Variants in NECTIN3 observed in about 807,000 individuals in gnomAD.
The protein encoded by NECTIN3 is nectin cell adhesion molecule 3.
In NECTIN3, 8 loss-of-function variants were observed where a neutral mutation model predicts 49.4. The observed-to-expected ratio is 0.16, with a 90% CI of 0.10 to 0.29. The LOEUF is 0.29. Among genes scored for constraint, NECTIN3 ranks in the 10% least tolerant of loss-of-function variants. The probability of loss-of-function intolerance (pLI) is 1.00; values close to 1 mark genes in which losing one functional copy is unlikely to be tolerated. For missense variants in NECTIN3, 581 were observed against 654.6 expected (o/e 0.89, Z 1.23); for synonymous variants, 277 against 241.1 (o/e 1.15, Z -1.38).
chr3:111,193,305 C>A (rs145238359), intron 1 of NECTIN3: 1 of 1,535,730 alleles, frequency 6.5e-7, no homozygotes, highest in South Asian at 1.2e-5. Flanking sequence ...CTACCAAGAC[C>A]GGAGCCCTGG....
chr3:111,156,809 G>A (rs2035107223), intron 7 of NECTIN3, among the ~76,000 whole-genome samples: 1 of 152,088 alleles, frequency 6.6e-6, no homozygotes, highest in African/African-American at 2.4e-5. Flanking sequence ...GGCTAACTCT[G>A]GTTGTGGCAT....
intron 1 of NECTIN3, chr3:111,074,119 T>C: frequency 2.3e-6 from 1 of 437,236 alleles, no homozygotes; most frequent in Non-Finnish European, 4.6e-6. Context: ...TATAGTGTTA[T>C]AACACCCTAA....
At chr3:111,151,246 G>A (rs538313264) in intron 7 of NECTIN3, among the ~76,000 whole-genome samples, 2 of 151,976 alleles carry the variant, frequency 1.3e-5, no homozygotes, top group East Asian at 1.9e-4. Context: ...ATTACCTTAT[G>A]TATTCCGATA....
At position 111,101,494 on chromosome 3, in the gene NECTIN3, A is replaced by G. The variant is rs182043517; in HGVS notation, c.161-10536A>G. On this transcript the variant is annotated intron_variant, in intron 1 of 5. Transcript: ENST00000485303. ...CGTGTAAGTTATTATAGAAACGTAAACTTTTAAAAATTATTTGAAGCTGAA... is the reference window on the plus strand; with the variant it reads ...CGTGTAAGTTATTATAGAAACGTAAGCTTTTAAAAATTATTTGAAGCTGAA... Among the ~76,000 whole-genome samples, 10 of 152,262 alleles carry G rather than the reference A, an allele frequency of 6.6e-5. No homozygotes were observed. The East Asian group carries it at 1.7e-3, about 26-fold the overall frequency.
chr3:111,133,190 A>AT (rs1184575981), intron 5 of NECTIN3, among the ~76,000 whole-genome samples: 3 of 151,920 alleles, frequency 2.0e-5, no homozygotes, highest in African/African-American at 4.8e-5. Flanking sequence ...AAAAACTTTA[A>AT]TTTTTTTATT....
chr3:111,178,725 C>G (rs1385034489), intron 7 of NECTIN3, among the ~76,000 whole-genome samples: 2 of 152,198 alleles, frequency 1.3e-5, no homozygotes, highest in South Asian at 2.1e-4. Flanking sequence ...TGTTCATTGT[C>G]TTCCCACTTT....
At chr3:111,077,311 A>T (rs892019895) in intron 1 of NECTIN3, 2 of 246,654 alleles carry the variant, frequency 8.1e-6, no homozygotes, top group Non-Finnish European at 1.7e-5. Flanking sequence ...AATGTGAGCC[A>T]TGTGTAAAAA....
At chr3:111,076,829 G>T (rs1230081353) in intron 1 of NECTIN3, among the ~76,000 whole-genome samples, 2 of 151,900 alleles carry the variant, frequency 1.3e-5, no homozygotes, top group African/African-American at 2.4e-5. Flanking sequence ...ACAAAAATTA[G>T]CTGGGCATGG....
Position 111,118,831 on chromosome 3 carries a change from G to T in NECTIN3, c.678G>T (p.Thr226=). ...CTTCTTTTCCAAATGAAACGGCAACGATTATCAGCCAGTACAAGCTATTTC... is the reference window on the plus strand; with the variant it reads ...CTTCTTTTCCAAATGAAACGGCAACTATTATCAGCCAGTACAAGCTATTTC... ...TTTSFPNETA[T]IISQYKLFPT... The change falls in exon 3 of 6, where the codon ACG becomes ACT. Residue 226 remains threonine, a synonymous_variant. Transcript: ENST00000485303. The T allele has an allele frequency of 6.2e-7, 1 of 1,614,096 alleles. No individual in the cohort carries two copies. Among genetic ancestry groups the T allele is most frequent in the Non-Finnish European group, 8.5e-7 (1 of 1,180,016 alleles).
chr3:111,111,092 A>G (rs2033440910), intron 1 of NECTIN3, among the ~76,000 whole-genome samples: 1 of 151,990 alleles, frequency 6.6e-6, no homozygotes, highest in Non-Finnish European at 1.5e-5. Context: ...TGGTTTGTGT[A>G]TTTGTTCATT....
chr3:111,185,776 A>C (rs1475701135), intron 7 of NECTIN3, among the ~76,000 whole-genome samples: 2 of 152,222 alleles, frequency 1.3e-5, no homozygotes, highest in East Asian at 3.8e-4. Flanking sequence ...AAATAATTTC[A>C]ACAAGAATCC....
intron 1 of NECTIN3, 140 bp from the exon 2 acceptor site, chr3:111,111,890 T>G: frequency 1.9e-6 from 1 of 520,172 alleles, no homozygotes; most frequent in Non-Finnish European, 3.3e-6. Flanking sequence ...TGCATGTGTG[T>G]GTGTGTGCAT....
chr3:111,116,645 T>C (rs2033700961), intron 2 of NECTIN3, among the ~76,000 whole-genome samples: 1 of 152,146 alleles, frequency 6.6e-6, no homozygotes, highest in South Asian at 2.1e-4. Flanking sequence ...CCCAAATTTA[T>C]GTAGAACTTT....
At chr3:111,132,110 A>G (rs1357431806) in intron 5 of NECTIN3, among the ~76,000 whole-genome samples, 3 of 151,842 alleles carry the variant, frequency 2.0e-5, no homozygotes, top group East Asian at 1.9e-4. Flanking sequence ...TATATTAGAC[A>G]TGATCCTTCA....
chr3:111,138,340 T>A (rs1252775952), downstream of NECTIN3, among the ~76,000 whole-genome samples: 2 of 151,600 alleles, frequency 1.3e-5, no homozygotes, highest in Admixed American at 6.6e-5. Flanking sequence ...ATAAAAAAAA[T>A]TCATGCATGA....
chr3:111,083,868 C>T (rs2031776794), intron 1 of NECTIN3, among the ~76,000 whole-genome samples: 2 of 152,214 alleles, frequency 1.3e-5, no homozygotes, highest in Admixed American at 1.3e-4. Flanking sequence ...ATAGCCTTGT[C>T]TCTGATACTG....
At chr3:111,108,532 G>A (rs944705861) in intron 1 of NECTIN3, among the ~76,000 whole-genome samples, 7 of 152,000 alleles carry the variant, frequency 4.6e-5, no homozygotes, top group African/African-American at 1.7e-4. Context: ...GTCAACTTGG[G>A]GTGTGTATTA....
chr3:111,166,933 G>A (rs932618508), intron 7 of NECTIN3, among the ~76,000 whole-genome samples: 6 of 152,180 alleles, frequency 3.9e-5, no homozygotes, highest in African/African-American at 1.2e-4. Flanking sequence ...AGGTAGGTAG[G>A]TAGATAGATT....
chr3:111,157,681 G>A (rs1007419375), intron 7 of NECTIN3, among the ~76,000 whole-genome samples: 1 of 152,052 alleles, frequency 6.6e-6, no homozygotes, highest in African/African-American at 2.4e-5. Flanking sequence ...CTGACATTGT[G>A]TATTGGACTT....
Sources: gnomAD v4.1 joint callset for allele counts (sites outside exome capture counted in the v4.1 genomes callset) on GRCh38, gnomAD v4.1.1 for gene constraint, MANE v1.5 for transcripts, NCBI Gene and HGNC (gene_info 2026-07-23, HGNC 2026-07-21) for gene names.